The following FIG4 variants were observed in gnomAD, a reference collection of about 807,000 sequenced individuals.
FIG4 encodes polyphosphoinositide phosphatase.
FIG4 carries 112 observed loss-of-function variants against 118.6 expected under a neutral mutation model. The ratio of observed to expected loss-of-function variants is 0.94; its 90% CI spans 0.81 to 1.11. FIG4 has a LOEUF of 1.11. Among genes scored for constraint, FIG4 ranks in the 50% least tolerant of loss-of-function variants. The pLI is 0.00. For missense variants in FIG4, 969 were observed against 1,111.7 expected (o/e 0.87, Z 1.83); for synonymous variants, 369 against 381.2 (o/e 0.97, Z 0.37).
At chr6:109,792,557 CTTCT>C (rs779542762) in intron 20 of FIG4, 21 bp from the exon 21 acceptor site, 2 of 1,404,668 alleles carry the variant, frequency 1.4e-6, no homozygotes, top group East Asian at 4.6e-5. Flanking sequence ...CTTCCTGGTT[CTTCT>C]TTTTTTTTTT....
intron 1 of FIG4, among the ~76,000 whole-genome samples, chr6:109,694,584 A>G (rs1356518986): frequency 6.6e-6 from 1 of 152,218 alleles, no homozygotes; most frequent in Non-Finnish European, 1.5e-5. Context: ...AAAATAGACA[A>G]ATGGGACTAT....
At chr6:109,719,991 G>A (rs1272178577) in intron 3 of FIG4, among the ~76,000 whole-genome samples, 1 of 152,142 alleles carries the variant, frequency 6.6e-6, no homozygotes, top group African/African-American at 2.4e-5. Flanking sequence ...GAGGGCTGAA[G>A]GTGTCTCCAT....
chr6:109,810,452 A>C (rs1205205041), intron 22 of FIG4, among the ~76,000 whole-genome samples: 6 of 152,132 alleles, frequency 3.9e-5, no homozygotes, highest in Non-Finnish European at 8.8e-5. Context: ...CTAGAGCATT[A>C]GTTCTGGGAT....
At chr6:109,757,434 T>C (rs1776951454) in intron 10 of FIG4, among the ~76,000 whole-genome samples, 1 of 151,998 alleles carries the variant, frequency 6.6e-6, no homozygotes, top group African/African-American at 2.4e-5. Context: ...TGCTAAAAAC[T>C]CTCAACTAGG....
At chr6:109,743,322 A>G in intron 9 of FIG4, 50 bp downstream of exon 9, 9 of 1,545,538 alleles carry the variant, frequency 5.8e-6, no homozygotes, top group Non-Finnish European at 8.0e-6. Context: ...ACATTTAGAG[A>G]TAATGAACTG....
chr6:109,805,962 A>T (rs1373293946), intron 22 of FIG4, among the ~76,000 whole-genome samples: 2 of 152,188 alleles, frequency 1.3e-5, no homozygotes, highest in African/African-American at 2.4e-5. Flanking sequence ...ATAATCTCAG[A>T]AGCTTCAGTA....
At chr6:109,775,517 G>C (rs112982850) in intron 15 of FIG4, among the ~76,000 whole-genome samples, 3,015 of 152,232 alleles carry the variant, frequency 0.02, 99 homozygotes, top group African/African-American at 0.069. Flanking sequence ...ATTATATTAA[G>C]ATATTTTGAG....
chr6:109,785,915 C>T (rs1391571193), intron 17 of FIG4: 2 of 310,208 alleles, frequency 6.4e-6, no homozygotes, highest in African/African-American at 4.3e-5. Context: ...TTTTAACTAA[C>T]AGTGGCTATT....
intron 6 of FIG4, among the ~76,000 whole-genome samples, chr6:109,735,822 T>G (rs536035282): frequency 1.3e-5 from 2 of 152,134 alleles, no homozygotes; most frequent in African/African-American, 4.8e-5. Flanking sequence ...GGCCTGGAAA[T>G]GAAGATCATA....
intron 1 of FIG4, among the ~76,000 whole-genome samples, chr6:109,697,085 A>T (rs1774745374): frequency 6.6e-6 from 1 of 151,800 alleles, no homozygotes; most frequent in Non-Finnish European, 1.5e-5. Flanking sequence ...ACACAGTGAA[A>T]CCCCGTCTCT....
chr6:109,744,198 T>C lies in FIG4; in HGVS notation c.1137+426T>C, dbSNP rs1056858952. On this transcript the variant is annotated intron_variant, in intron 10 of 22. Transcript: ENST00000230124. ...CCCTGGGCAAATTAATTTATAGTAA[T>C]AGGATCAAAGGCTAGATTCATAAAC... 3.9e-5 allele frequency among the ~76,000 whole-genome samples: 6 copies of C among 152,056 alleles called. No individual in the cohort carries two copies. In the East Asian group the frequency reaches 5.8e-4, roughly 15 times the overall value.
At chr6:109,738,592 A>G in intron 7 of FIG4, 139 bp downstream of exon 7, 2 of 767,534 alleles carry the variant, frequency 2.6e-6, no homozygotes, top group Non-Finnish European at 4.5e-6. Context: ...GATACTATGT[A>G]GCAGAAATAC....
At chr6:109,802,720 G>A (rs2128399355) in intron 22 of FIG4, among the ~76,000 whole-genome samples, 1 of 152,242 alleles carries the variant, frequency 6.6e-6, no homozygotes, top group Non-Finnish European at 1.5e-5. Context: ...ACTCCTGTTG[G>A]GGATAATTAG....
At chr6:109,696,346 T>A (rs1774718756) in intron 1 of FIG4, among the ~76,000 whole-genome samples, 1 of 152,230 alleles carries the variant, frequency 6.6e-6, no homozygotes, top group Non-Finnish European at 1.5e-5. Context: ...AATCCATAGC[T>A]TTTTTATAAT....
At chr6:109,740,554 A>G (rs1411581878) in intron 7 of FIG4, among the ~76,000 whole-genome samples, 1 of 152,134 alleles carries the variant, frequency 6.6e-6, no homozygotes, top group Non-Finnish European at 1.5e-5. Context: ...CATAACTAAT[A>G]AGCTGTATAT....
chr6:109,762,054 G>A (rs753291232), intron 11 of FIG4, 37 bp from the exon 12 acceptor site: 1 of 1,152,114 alleles, frequency 8.7e-7, no homozygotes, highest in Middle Eastern at 1.9e-4. Context: ...ATTAAAACTT[G>A]GCTTCTCACT....
intron 20 of FIG4, among the ~76,000 whole-genome samples, chr6:109,792,013 GC>G (rs1340962657): frequency 6.6e-6 from 1 of 152,180 alleles, no homozygotes; most frequent in African/African-American, 2.4e-5. Context: ...ACCAACTCTA[GC>G]TTTGGGGAAA....
chr6:109,714,129 A>G (rs1352609398), intron 1 of FIG4, among the ~76,000 whole-genome samples: 1 of 152,236 alleles, frequency 6.6e-6, no homozygotes, highest in African/African-American at 2.4e-5. Flanking sequence ...CTTCCTGCCA[A>G]CTCGAGTGTC....
chr6:109,722,411 A>G (rs1220239960), intron 3 of FIG4, among the ~76,000 whole-genome samples: 1 of 151,952 alleles, frequency 6.6e-6, no homozygotes, highest in African/African-American at 2.4e-5. Context: ...TTTTTTCATC[A>G]GCTGAGAATA....
Sources: gnomAD v4.1 joint callset for allele counts (sites outside exome capture counted in the v4.1 genomes callset) on GRCh38, gnomAD v4.1.1 for gene constraint, MANE v1.5 for transcripts, NCBI Gene and HGNC (gene_info 2026-07-23, HGNC 2026-07-21) for gene names.